Variants in PLCB1 observed in about 807,000 individuals in gnomAD.
The protein encoded by PLCB1 is 1-phosphatidylinositol 4,5-bisphosphate phosphodiesterase beta-1.
Under a neutral mutation model 161.8 loss-of-function variants are expected in PLCB1, and 46 were observed. That is an observed-to-expected ratio of 0.28 (90% CI 0.22 to 0.36). The LOEUF is 0.36. Ranked by LOEUF, PLCB1 falls within the 10% of genes least tolerant of loss-of-function variation. The pLI is 1.00. For missense variants in PLCB1, 1,016 were observed against 1,472.5 expected (o/e 0.69, Z 5.07); for synonymous variants, 517 against 503.7 (o/e 1.03, Z -0.35).
chr20:8,462,694 A>T (rs1981633686), intron 3 of PLCB1, among the ~76,000 whole-genome samples: 1 of 152,146 alleles, frequency 6.6e-6, no homozygotes, highest in Non-Finnish European at 1.5e-5. Context: ...ATCTTCTGAG[A>T]CTGAATCGGT....
chr20:8,273,992 G>A (rs527564453), intron 2 of PLCB1, among the ~76,000 whole-genome samples: 1 of 152,226 alleles, frequency 6.6e-6, no homozygotes, highest in East Asian at 1.9e-4. Flanking sequence ...AAAGTAATAG[G>A]AAGATATAGG....
At chr20:8,273,872 A>T (rs1982400857) in intron 2 of PLCB1, among the ~76,000 whole-genome samples, 2 of 152,170 alleles carry the variant, frequency 1.3e-5, no homozygotes, top group Admixed American at 6.5e-5. Context: ...CTTCCATATA[A>T]AGTGTACTTG....
At chr20:8,229,385 T>C (rs556970284) in intron 2 of PLCB1, among the ~76,000 whole-genome samples, 2 of 152,320 alleles carry the variant, frequency 1.3e-5, no homozygotes, top group African/African-American at 2.4e-5. Context: ...TCTGTACTTA[T>C]CTTCCTGTGA....
At chr20:8,306,196 C>G (rs1338562546) in intron 2 of PLCB1, among the ~76,000 whole-genome samples, 1 of 152,146 alleles carries the variant, frequency 6.6e-6, no homozygotes, top group Non-Finnish European at 1.5e-5. Flanking sequence ...CAAAGATTGG[C>G]TGCAGGGAGT....
intron 2 of PLCB1, among the ~76,000 whole-genome samples, chr20:8,188,444 A>T (rs1240008279): frequency 6.6e-6 from 1 of 150,808 alleles, no homozygotes; most frequent in Non-Finnish European, 1.5e-5. Context: ...TAGAAAAAAA[A>T]TTGGGGTTGG....
intron 2 of PLCB1, among the ~76,000 whole-genome samples, chr20:8,318,746 G>A (rs1394407548): frequency 6.6e-6 from 1 of 152,000 alleles, no homozygotes; most frequent in Non-Finnish European, 1.5e-5. Flanking sequence ...AGAAAAAATT[G>A]AAAAAATAAA....
At position 8,881,611 on chromosome 20, in the gene PLCB1, A is replaced by G. The variant is rs553493032; in HGVS notation, c.3424-11A>G. 3.1e-6 allele frequency: 5 copies of G among 1,605,200 alleles called. No homozygotes were observed. In the African/African-American group the frequency reaches 5.3e-5, roughly 17 times the overall value. ...CAACTTCAAGTCATCTCCCCTCTTG[A>G]TGTCTCTCAGCTGCAGGTGGAGCTG... On this transcript the variant is annotated splice_polypyrimidine_tract_variant and intron_variant, in intron 31 of 31. Coordinates refer to ENST00000338037, the MANE Select transcript of PLCB1 (RefSeq NM_015192.4).
At chr20:8,756,418 G>T (rs1013943273) in intron 23 of PLCB1, among the ~76,000 whole-genome samples, 1 of 152,106 alleles carries the variant, frequency 6.6e-6, no homozygotes, top group African/African-American at 2.4e-5. Flanking sequence ...CCATCACATC[G>T]ATTAGCTCAT....
intron 3 of PLCB1, among the ~76,000 whole-genome samples, chr20:8,524,064 AAAAC>A (rs1467805851): frequency 6.6e-6 from 1 of 152,218 alleles, no homozygotes; most frequent in Non-Finnish European, 1.5e-5. Flanking sequence ...ATACAGCAAC[AAAAC>A]AAAGTATAAA....
chr20:8,625,683 A>G (rs1332636483), intron 3 of PLCB1, among the ~76,000 whole-genome samples: 1 of 152,162 alleles, frequency 6.6e-6, no homozygotes, highest in East Asian at 1.9e-4. Flanking sequence ...TCTCAAATCT[A>G]AGTGTTCCTT....
chr20:8,289,594 A>G (rs1424272223), intron 2 of PLCB1, among the ~76,000 whole-genome samples: 1 of 152,206 alleles, frequency 6.6e-6, no homozygotes, highest in Non-Finnish European at 1.5e-5. Flanking sequence ...GAATCCAGGC[A>G]GCCTGAATCC....
chr20:8,757,861 AAATG>A (rs1981818078), intron 24 of PLCB1, among the ~76,000 whole-genome samples: 1 of 102,152 alleles, frequency 9.8e-6, no homozygotes, highest in South Asian at 3.3e-4. Context: ...CAAAATGAAT[AAATG>A]AATAAATAAA....
intron 31 of PLCB1, chr20:8,802,061 A>T (rs1453415926): frequency 1.3e-6 from 2 of 1,588,274 alleles, no homozygotes; most frequent in East Asian, 2.2e-5. Flanking sequence ...CACAGGGGGA[A>T]GGTTCCTCCT....
intron 2 of PLCB1, among the ~76,000 whole-genome samples, chr20:8,190,501 G>A (rs948650927): frequency 1.3e-5 from 2 of 152,052 alleles, no homozygotes; most frequent in African/African-American, 4.8e-5. Context: ...CCCACATGTA[G>A]CTCTGTGTTT....
intron 3 of PLCB1, 198 bp downstream of exon 3, chr20:8,371,648 G>A (rs1188890699): frequency 1.4e-5 from 6 of 419,052 alleles, no homozygotes; most frequent in Non-Finnish European, 2.5e-5. Flanking sequence ...GGACAGAGGG[G>A]CTTGCTTTAT....
At chr20:8,196,723 G>T (rs1219278703) in intron 2 of PLCB1, among the ~76,000 whole-genome samples, 1 of 151,492 alleles carries the variant, frequency 6.6e-6, no homozygotes, top group East Asian at 1.9e-4. Context: ...CAACGTGCAG[G>T]TTTGTTACAT....
Position 8,724,677 on chromosome 20 carries a change from A to G in PLCB1, c.1603A>G (p.Met535Val), listed in dbSNP as rs1979835703. ...MDEGTAGSEAMATEEMSNLVN... is the reference protein window; with the variant it reads ...MDEGTAGSEAVATEEMSNLVN... ...CCAGGGGACTGCTGGAAGTGAGGCT[A>G]TGGCCACAGAAGAAATGTCTAATCT... Residue 535 changes from methionine to valine, a missense_variant, in exon 16 of 32, where the codon ATG (methionine) becomes GTG (valine). Met to Val is a conservative substitution (Grantham distance 21). Transcript: ENST00000338037. The G allele has an allele frequency of 6.3e-6, 10 of 1,575,776 alleles. No homozygotes were observed. The East Asian group carries it at 8.9e-5, about 14-fold the overall frequency.
chr20:8,143,917 C>T (rs188540760), intron 1 of PLCB1, among the ~76,000 whole-genome samples: 441 of 152,234 alleles, frequency 2.9e-3, no homozygotes, highest in Non-Finnish European at 4.8e-3. Flanking sequence ...TGGAGTCTGG[C>T]CTGTGTATTA....
intron 2 of PLCB1, among the ~76,000 whole-genome samples, chr20:8,337,528 C>T (rs1419543308): frequency 6.6e-6 from 1 of 152,132 alleles, no homozygotes; most frequent in African/African-American, 2.4e-5. Context: ...TAATTTCTAA[C>T]TTATTTATTG....
Sources: allele counts gnomAD v4.1 joint callset (sites outside exome capture counted in the v4.1 genomes callset), GRCh38; gene constraint gnomAD v4.1.1; transcripts MANE v1.5; gene names NCBI Gene and HGNC (gene_info 2026-07-23, HGNC 2026-07-21).